Variants in CNTNAP5 observed in about 807,000 individuals in gnomAD.
The protein encoded by CNTNAP5 is contactin associated protein family member 5, also known as contactin-associated protein-like 5.
In CNTNAP5, 72 loss-of-function variants were observed where a neutral mutation model predicts 150.2. That is an observed-to-expected ratio of 0.48 (90% CI 0.40 to 0.58). CNTNAP5 has a LOEUF of 0.58. CNTNAP5 is among the 20% of genes least tolerant of loss of function. CNTNAP5 has a pLI of 0.00. For missense variants in CNTNAP5, 1,636 were observed against 1,626.2 expected, an observed-to-expected ratio of 1.01 and a Z score of -0.10; for synonymous variants, 672 against 619.8, an observed-to-expected ratio of 1.08 and a Z score of -1.25.
At chr2:124,090,549 T>C (rs1485361704) in intron 1 of CNTNAP5, among the ~76,000 whole-genome samples, 1 of 152,214 alleles carries the variant, frequency 6.6e-6, no homozygotes, top group Non-Finnish European at 1.5e-5. Flanking sequence ...ATATGCTTCC[T>C]TCTTTTATGT....
At position 124,230,823 on chromosome 2, in the gene CNTNAP5, C is replaced by T. The variant is rs370691251; in HGVS notation, c.187+9014C>T. On this transcript the variant is annotated intron_variant, in intron 2 of 23. Transcript: ENST00000682447. The stretch of plus-strand genomic sequence containing the variant: ...CTGATATTACAGGCGTGAGCCACTG[C>T]GCCCAGCCTCTAATGTGTTTTAAAA... Among the ~76,000 whole-genome samples the T allele has an allele frequency of 3.3e-4, 50 of 152,196 alleles. No individual in the cohort carries two copies. In the South Asian group the frequency reaches 7.9e-3, roughly 24 times the overall value.
At chr2:124,622,980 A>G (rs189892134) in intron 12 of CNTNAP5, among the ~76,000 whole-genome samples, 187 of 152,310 alleles carry the variant, frequency 1.2e-3, no homozygotes, top group Non-Finnish European at 2.1e-3. Context: ...TTATAAGTGC[A>G]CGAATGAGGC....
chr2:124,576,136 GTA>G (rs1182520862), intron 11 of CNTNAP5, among the ~76,000 whole-genome samples: 1 of 140,022 alleles, frequency 7.1e-6, no homozygotes, highest in African/African-American at 2.8e-5. Flanking sequence ...TTGGATGGCT[GTA>G]TATATCTATA....
intron 9 of CNTNAP5, among the ~76,000 whole-genome samples, chr2:124,526,742 G>T (rs1694977289): frequency 6.6e-6 from 1 of 152,128 alleles, no homozygotes; most frequent in African/African-American, 2.4e-5. Flanking sequence ...ATCTGATTTT[G>T]CTTTGCACAT....
intron 11 of CNTNAP5, among the ~76,000 whole-genome samples, chr2:124,582,410 A>G (rs1352503396): frequency 6.6e-6 from 1 of 152,178 alleles, no homozygotes; most frequent in African/African-American, 2.4e-5. Flanking sequence ...TGAACTCAAG[A>G]TTTCTGATAA....
intron 1 of CNTNAP5, among the ~76,000 whole-genome samples, chr2:124,188,521 C>T (rs559168234): frequency 1.3e-5 from 2 of 151,890 alleles, no homozygotes. Context: ...AGATGGAGAC[C>T]ATCCTGGTGA....
At chr2:124,078,851 C>T (rs1434567243) in intron 1 of CNTNAP5, among the ~76,000 whole-genome samples, 4 of 152,002 alleles carry the variant, frequency 2.6e-5, no homozygotes, top group Admixed American at 1.3e-4. Context: ...GGGGCATGGC[C>T]GAGCAGATTC....
intron 21 of CNTNAP5, among the ~76,000 whole-genome samples, chr2:124,893,091 A>G (rs1678232595): frequency 6.6e-6 from 1 of 152,150 alleles, no homozygotes; most frequent in Admixed American, 6.5e-5. Flanking sequence ...TTAAAGATTC[A>G]TTCACTGGGA....
At chr2:124,800,592 A>G (rs930689766) in intron 19 of CNTNAP5, among the ~76,000 whole-genome samples, 9 of 152,170 alleles carry the variant, frequency 5.9e-5, no homozygotes, top group African/African-American at 2.2e-4. Context: ...GGCTAAACTA[A>G]GAGTGTTTTT....
intron 10 of CNTNAP5, among the ~76,000 whole-genome samples, chr2:124,535,050 C>G (rs1312530367): frequency 6.6e-6 from 1 of 152,190 alleles, no homozygotes; most frequent in Non-Finnish European, 1.5e-5. Flanking sequence ...ACTAAGCAAT[C>G]TATGCATATA....
intron 1 of CNTNAP5, among the ~76,000 whole-genome samples, chr2:124,073,820 G>C (rs1558745897): frequency 6.6e-6 from 1 of 152,114 alleles, no homozygotes; most frequent in African/African-American, 2.4e-5. Flanking sequence ...ATATGATTCA[G>C]CAATTCCACT....
chr2:124,820,270 T>C (rs1481427742), intron 19 of CNTNAP5, among the ~76,000 whole-genome samples: 1 of 152,134 alleles, frequency 6.6e-6, no homozygotes, highest in Non-Finnish European at 1.5e-5. Context: ...TTTATCATCA[T>C]AATAATTGGG....
At chr2:124,600,759 G>A (rs954425770) in intron 11 of CNTNAP5, among the ~76,000 whole-genome samples, 12 of 135,974 alleles carry the variant, frequency 8.8e-5, no homozygotes, top group African/African-American at 3.0e-4. Flanking sequence ...GAGAGAGAGA[G>A]AGAGAGAGAA....
rs192582454 is a variant in CNTNAP5, at chr2:124,915,629, C to G, written c.*1341C>G. 6.6e-6 allele frequency among the ~76,000 whole-genome samples: 1 copy of G among 151,944 alleles called. No homozygotes were observed. The highest frequency in any genetic ancestry group is 2.4e-5 in the African/African-American group (1 of 41,386). On this transcript the variant is annotated 3_prime_UTR_variant, in exon 24 of 24. Transcript: ENST00000682447. ...TGCTATACCCTATATACATAAAGAC[C>G]CTTCCAAACATCTTTTTATAGGCTT...
chr2:124,821,765 T>A (rs921253873), intron 19 of CNTNAP5, among the ~76,000 whole-genome samples: 3 of 152,182 alleles, frequency 2.0e-5, no homozygotes, highest in Admixed American at 6.5e-5. Context: ...TGCCTGGGTA[T>A]GTGTTGGAAA....
chr2:124,272,268 T>C (rs576682414), intron 3 of CNTNAP5, among the ~76,000 whole-genome samples: 1 of 152,328 alleles, frequency 6.6e-6, no homozygotes, highest in South Asian at 2.1e-4. Flanking sequence ...AGTTTTCATT[T>C]ATTTTCTTAA....
chr2:124,808,271 G>A (rs1466042184), intron 19 of CNTNAP5, among the ~76,000 whole-genome samples: 15 of 152,256 alleles, frequency 9.9e-5, no homozygotes, highest in Admixed American at 5.2e-4. Flanking sequence ...AAGAATGAAT[G>A]TGCAGATTTA....
intron 1 of CNTNAP5, among the ~76,000 whole-genome samples, chr2:124,127,872 A>G (rs1193937244): frequency 6.6e-6 from 1 of 152,212 alleles, no homozygotes; most frequent in Non-Finnish European, 1.5e-5. Context: ...GAAAGCTGAA[A>G]CTGGATCCCT....
At chr2:124,316,650 A>G (rs112460705) in intron 3 of CNTNAP5, among the ~76,000 whole-genome samples, 4,050 of 151,664 alleles carry the variant, frequency 0.027, 198 homozygotes, top group African/African-American at 0.092. Context: ...CTAAAAATAC[A>G]AAAAATTAGC....
Sources: gnomAD v4.1 joint callset for allele counts (sites outside exome capture counted in the v4.1 genomes callset) on GRCh38, gnomAD v4.1.1 for gene constraint, MANE v1.5 for transcripts, NCBI Gene and HGNC (gene_info 2026-07-23, HGNC 2026-07-21) for gene names.